The following NRXN3 variants were observed in gnomAD, a reference collection of about 807,000 sequenced individuals.
The protein encoded by NRXN3 is neurexin 3.
Under a neutral mutation model 137.6 loss-of-function variants are expected in NRXN3, and 32 were observed. The observed-to-expected ratio is 0.23, with a 90% CI of 0.18 to 0.31. The LOEUF is 0.31. Among genes scored for constraint, NRXN3 ranks in the 10% least tolerant of loss-of-function variants. The probability of loss-of-function intolerance (pLI) is 1.00; values close to 1 mark genes in which losing one functional copy is unlikely to be tolerated. For synonymous variants in NRXN3, 798 were observed against 784.5 expected (o/e 1.02, Z -0.29); for missense variants, 1,574 against 2,062.5 (o/e 0.76, Z 4.59).
chr14:78,892,083 T>C (rs1005065003), intron 10 of NRXN3, among the ~76,000 whole-genome samples: 1 of 151,852 alleles, frequency 6.6e-6, no homozygotes, highest in African/African-American at 2.4e-5. Context: ...TTGTTAGAAA[T>C]GGAAATGCTT....
At chr14:78,926,719 A>C (rs1196601233) in intron 10 of NRXN3, among the ~76,000 whole-genome samples, 1 of 82,128 alleles carries the variant, frequency 1.2e-5, no homozygotes, top group East Asian at 4.8e-4. Context: ...TATATTATAT[A>C]ATTATATATA....
chr14:79,323,612 C>A (rs1039327643), intron 15 of NRXN3, among the ~76,000 whole-genome samples: 3 of 152,138 alleles, frequency 2.0e-5, no homozygotes, highest in Non-Finnish European at 4.4e-5. Context: ...GTAATCCCAG[C>A]ACTTTGGGAG....
At chr14:78,583,849 T>G (rs1368473418) in intron 4 of NRXN3, among the ~76,000 whole-genome samples, 6 of 152,164 alleles carry the variant, frequency 3.9e-5, no homozygotes, top group African/African-American at 1.4e-4. Context: ...TCTGTGGGCC[T>G]GGAATATTAC....
chr14:78,420,031 G>A (rs931505209), intron 4 of NRXN3, among the ~76,000 whole-genome samples: 6 of 151,894 alleles, frequency 4.0e-5, no homozygotes, highest in Non-Finnish European at 8.8e-5. Context: ...GTTTTTTGGG[G>A]GAAGAAGGGA....
At chr14:79,376,222 A>G (rs1161913744) in intron 15 of NRXN3, among the ~76,000 whole-genome samples, 255 of 10,494 alleles carry the variant, frequency 0.024, 6 homozygotes, top group East Asian at 0.078. Flanking sequence ...ATGTATATAT[A>G]TATATATATA....
At chr14:79,678,535 C>G in intron 17 of NRXN3, among the ~76,000 whole-genome samples, 1 of 152,104 alleles carries the variant, frequency 6.6e-6, no homozygotes, top group East Asian at 1.9e-4. Context: ...AATCTTTGGA[C>G]AGCATTCTTG....
At chr14:79,081,538 C>A (rs79006745) in intron 15 of NRXN3, among the ~76,000 whole-genome samples, 6,561 of 151,620 alleles carry the variant, frequency 0.043, 515 homozygotes, top group African/African-American at 0.15. Context: ...CACTTAAACC[C>A]TGCCCAGAGG....
intron 15 of NRXN3, among the ~76,000 whole-genome samples, chr14:79,264,913 A>T (rs1209871938): frequency 6.6e-6 from 1 of 152,130 alleles, no homozygotes; most frequent in Non-Finnish European, 1.5e-5. Flanking sequence ...TAAAGGGGAA[A>T]CTGTTACAGA....
chr14:78,763,090 A>G (rs1021117275), intron 8 of NRXN3, among the ~76,000 whole-genome samples: 5 of 152,242 alleles, frequency 3.3e-5, no homozygotes, highest in African/African-American at 1.2e-4. Flanking sequence ...CTGCCAACAA[A>G]TGGCAAATTT....
At chr14:78,315,221 G>A (rs888991176) in intron 4 of NRXN3, among the ~76,000 whole-genome samples, 3 of 151,802 alleles carry the variant, frequency 2.0e-5, no homozygotes, top group Non-Finnish European at 2.9e-5. Flanking sequence ...TTGAACTCTT[G>A]ACCTAAGTTG....
intron 15 of NRXN3, among the ~76,000 whole-genome samples, chr14:79,206,290 G>A (rs1026783672): frequency 3.3e-5 from 5 of 152,132 alleles, no homozygotes; most frequent in Admixed American, 6.6e-5. Context: ...AAGGGCCTTC[G>A]GAGGCAGGTA....
chr14:78,789,200 A>G (rs1255186117), intron 8 of NRXN3, among the ~76,000 whole-genome samples: 1 of 152,208 alleles, frequency 6.6e-6, no homozygotes, highest in Non-Finnish European at 1.5e-5. Flanking sequence ...AAGTCTGATC[A>G]TGTCACTTTC....
chr14:78,645,551 T>C lies in NRXN3; in HGVS notation c.1059+130T>C, dbSNP rs2097678117. ...AGGGATGGAGATGTTAACGTCTAACTTTCTCCCAGTCTTTGCAATTTCACG... is the reference window on the plus strand; with the variant it reads ...AGGGATGGAGATGTTAACGTCTAACCTTCTCCCAGTCTTTGCAATTTCACG... On this transcript the variant is annotated intron_variant, in intron 5 of 20. Transcript: ENST00000335750. 6 of 695,984 alleles carry C rather than the reference T, an allele frequency of 8.6e-6. No homozygotes were observed. The South Asian group carries it at 1.6e-4, about 18-fold the overall frequency. The allele number at this position is 695,984 out of a possible 1,614,324, so 43.1% of individuals were successfully genotyped here. A position where few individuals can be genotyped will look rare whatever the true frequency, so the allele number is the denominator to read the frequency against.
intron 4 of NRXN3, among the ~76,000 whole-genome samples, chr14:78,560,504 CTG>C (rs1182461303): frequency 6.6e-6 from 1 of 152,222 alleles, no homozygotes; most frequent in Non-Finnish European, 1.5e-5. Context: ...AAGATACAGA[CTG>C]TATAACCTTT....
intron 17 of NRXN3, among the ~76,000 whole-genome samples, chr14:79,691,202 G>A (rs2098715163): frequency 6.6e-6 from 1 of 152,056 alleles, no homozygotes; most frequent in South Asian, 2.1e-4. Context: ...AGTTACGAAG[G>A]AAGAGGGGGG....
chr14:79,221,218 G>A (rs566639220), intron 15 of NRXN3, among the ~76,000 whole-genome samples: 40 of 152,190 alleles, frequency 2.6e-4, no homozygotes, highest in African/African-American at 9.6e-4. Context: ...AAACATACAT[G>A]TGCATGTATC....
intron 15 of NRXN3, among the ~76,000 whole-genome samples, chr14:79,104,979 A>G (rs556966285): frequency 7.0e-4 from 106 of 152,254 alleles, no homozygotes; most frequent in African/African-American, 2.5e-3. Context: ...AGTTTTCATG[A>G]TATTTCATGT....
At chr14:79,062,992 G>A (rs575183224) in intron 15 of NRXN3, among the ~76,000 whole-genome samples, 1 of 152,242 alleles carries the variant, frequency 6.6e-6, no homozygotes, top group African/African-American at 2.4e-5. Flanking sequence ...GAGAAAGGGG[G>A]GGAGGAGTAG....
At chr14:78,993,367 C>T (rs2099522866) in intron 15 of NRXN3, among the ~76,000 whole-genome samples, 1 of 152,056 alleles carries the variant, frequency 6.6e-6, no homozygotes, top group Admixed American at 6.6e-5. Context: ...CATATAGGTA[C>T]ATAGACATTA....
Sources: allele counts gnomAD v4.1 joint callset (sites outside exome capture counted in the v4.1 genomes callset), GRCh38; gene constraint gnomAD v4.1.1; transcripts MANE v1.5; gene names NCBI Gene and HGNC (gene_info 2026-07-23, HGNC 2026-07-21).